The following KIF1A variants were observed in gnomAD, a reference collection of about 807,000 sequenced individuals.
The protein encoded by KIF1A is kinesin-like protein KIF1A.
In KIF1A, 46 loss-of-function variants were observed where a neutral mutation model predicts 227.3. That is an observed-to-expected ratio of 0.20 (90% CI 0.16 to 0.26). KIF1A has a LOEUF of 0.26. Ranked by LOEUF, KIF1A falls within the 10% of genes least tolerant of loss-of-function variation. The probability of loss-of-function intolerance (pLI) is 1.00; values close to 1 mark genes in which losing one functional copy is unlikely to be tolerated. For synonymous variants in KIF1A, 1,022 were observed against 1,012.8 expected (o/e 1.01, Z -0.17); for missense variants, 1,683 against 2,485.9 (o/e 0.68, Z 6.87).
chr2:240,785,437 G>A (rs11676155), intron 6 of KIF1A, among the ~76,000 whole-genome samples: 2 of 152,362 alleles, frequency 1.3e-5, no homozygotes, highest in South Asian at 4.1e-4. Flanking sequence ...GGGGAAGGGG[G>A]AAAGGGCTGT....
At chr2:240,749,124 C>CA (rs71049518) in intron 28 of KIF1A, among the ~76,000 whole-genome samples, 4,803 of 132,254 alleles carry the variant, frequency 0.036, 90 homozygotes, top group African/African-American at 0.065. Context: ...AGACTTTGTC[C>CA]AAAAAAAAAA....
chr2:240,740,648 C>T lies in KIF1A; in HGVS notation c.3750-284G>A, dbSNP rs186034680. On this transcript the variant is annotated intron_variant, in intron 35 of 48. Coordinates refer to ENST00000498729, the MANE Select transcript of KIF1A (RefSeq NM_001244008.2). The surrounding 1 kb of genome is among the most constrained non-coding windows in gnomAD (Gnocchi z 6.1). ...CCTCTGGGCTGGATCTTTGTAAGTTCCCAAGGGTCCTCTGCTTCCCCTCAT... is the reference window on the plus strand; with the variant it reads ...CCTCTGGGCTGGATCTTTGTAAGTTTCCAAGGGTCCTCTGCTTCCCCTCAT... 1.3e-5 allele frequency among the ~76,000 whole-genome samples: 2 copies of T among 152,196 alleles called. No individual in the cohort carries two copies. Among genetic ancestry groups the T allele is most frequent in the Non-Finnish European group, 2.9e-5 (2 of 68,002 alleles).
intron 38 of KIF1A, among the ~76,000 whole-genome samples, chr2:240,733,612 AG>A (rs1301556683): frequency 6.6e-6 from 1 of 152,218 alleles, no homozygotes. Context: ...TCCTGGCCAC[AG>A]TCCCTCTGCC....
chr2:240,785,901 G>A (rs532803051), intron 6 of KIF1A, among the ~76,000 whole-genome samples: 3 of 152,250 alleles, frequency 2.0e-5, no homozygotes, highest in African/African-American at 2.4e-5. Flanking sequence ...CAGGCAGGAG[G>A]CCCAGGGCAG....
intron 48 of KIF1A, 68 bp from the exon 49 acceptor site, chr2:240,717,474 C>A: frequency 6.7e-7 from 1 of 1,486,104 alleles, no homozygotes; most frequent in Non-Finnish European, 9.3e-7. Flanking sequence ...CCACCGTGCC[C>A]TGCACAGGCA....
chr2:240,801,520 G>A (rs2056962303), intron 1 of KIF1A, among the ~76,000 whole-genome samples: 1 of 152,210 alleles, frequency 6.6e-6, no homozygotes, highest in African/African-American at 2.4e-5. Context: ...AAACATACCT[G>A]TAAGTGGAAT....
At chr2:240,730,241 G>A (rs2046450095) in intron 38 of KIF1A, among the ~76,000 whole-genome samples, 1 of 152,186 alleles carries the variant, frequency 6.6e-6, no homozygotes. Context: ...ACCCACATGG[G>A]ACCCACATTG....
intron 2 of KIF1A, among the ~76,000 whole-genome samples, chr2:240,791,520 C>G: frequency 9.1e-6 from 1 of 109,458 alleles, no homozygotes; most frequent in African/African-American, 3.5e-5. Flanking sequence ...CTTCCTGCCC[C>G]ATCCACCCCC....
chr2:240,744,123 G>C (rs2048318365), intron 32 of KIF1A, 63 bp from the exon 33 acceptor site: 1 of 1,123,958 alleles, frequency 8.9e-7, no homozygotes, highest in African/African-American at 1.5e-5. Context: ...GGGGGAAGGA[G>C]AGTCACATCA....
In KIF1A at chr2:240,743,934, G is replaced by A; in HGVS notation, c.3584+8C>T. The A allele has an allele frequency of 6.3e-7, 1 of 1,596,382 alleles. No homozygotes were observed. The highest frequency in any genetic ancestry group is 1.3e-5 in the African/African-American group (1 of 74,708). ...GCAGCCCCGAACCCCCCGACCCAGG[G>A]CGCTAACCTGAGCACGTCCTTGCAG... is the stretch of plus-strand genomic sequence containing the variant. On this transcript the variant is annotated splice_region_variant and intron_variant, in intron 33 of 48. Transcript: ENST00000498729.
chr2:240,769,770 A>T, intron 15 of KIF1A, 64 bp from the exon 16 acceptor site: 1 of 1,368,066 alleles, frequency 7.3e-7, no homozygotes, highest in Non-Finnish European at 1.0e-6. Context: ...GACAATGGAG[A>T]CACGGGTGCC....
intron 42 of KIF1A, among the ~76,000 whole-genome samples, chr2:240,723,142 T>C (rs1012346053): frequency 3.9e-5 from 6 of 152,246 alleles, no homozygotes; most frequent in Admixed American, 2.0e-4. Flanking sequence ...TCCGGGTCCC[T>C]TTCTGGCCTC....
At chr2:240,816,033 G>A (rs1575683179) in intron 1 of KIF1A, among the ~76,000 whole-genome samples, 1 of 152,154 alleles carries the variant, frequency 6.6e-6, no homozygotes, top group Non-Finnish European at 1.5e-5. Context: ...AGGGGTGACA[G>A]CAGGCATCAT....
intron 20 of KIF1A, among the ~76,000 whole-genome samples, chr2:240,764,173 G>T (rs2050865173): frequency 6.6e-6 from 1 of 152,182 alleles, no homozygotes; most frequent in Admixed American, 6.5e-5. Flanking sequence ...GTGCCTGCAG[G>T]TCTGTCCCCC....
chr2:240,780,371 G>T (rs962349197), intron 10 of KIF1A, among the ~76,000 whole-genome samples: 3 of 151,828 alleles, frequency 2.0e-5, no homozygotes, highest in African/African-American at 7.3e-5. Flanking sequence ...CCCCCATGTG[G>T]TTCCCCACAC....
At chr2:240,806,137 C>T (rs1172975650) in intron 1 of KIF1A, among the ~76,000 whole-genome samples, 1 of 152,190 alleles carries the variant, frequency 6.6e-6, no homozygotes, top group Non-Finnish European at 1.5e-5. Flanking sequence ...TCCAAATCTG[C>T]CTGGAGGCAG....
chr2:240,821,259 G>T (rs1429149962), upstream of KIF1A, among the ~76,000 whole-genome samples: 1 of 152,238 alleles, frequency 6.6e-6, no homozygotes, highest in Non-Finnish European at 1.5e-5. Context: ...AAGCCTCCCT[G>T]GCGCCCAGCA....
chr2:240,796,332 G>A (rs977374686), intron 2 of KIF1A, among the ~76,000 whole-genome samples: 1 of 152,236 alleles, frequency 6.6e-6, no homozygotes, highest in African/African-American at 2.4e-5. Flanking sequence ...AGCTAATGCA[G>A]CGAGCGTTGT....
chr2:240,769,867 G>A (rs150406233), intron 15 of KIF1A, among the ~76,000 whole-genome samples, 161 bp from the exon 16 acceptor site: 1 of 152,320 alleles, frequency 6.6e-6, no homozygotes, highest in African/African-American at 2.4e-5. Context: ...AAAGCTCAGA[G>A]AATGTCTGTC....
Sources: allele counts gnomAD v4.1 joint callset (sites outside exome capture counted in the v4.1 genomes callset), GRCh38; gene constraint gnomAD v4.1.1; non-coding constraint Gnocchi (gnomAD v3.1); transcripts MANE v1.5; gene names NCBI Gene and HGNC (gene_info 2026-07-23, HGNC 2026-07-21).